VSX2: variants seen among roughly 807,000 people sequenced by gnomAD.
VSX2 encodes visual system homeobox 2.
In VSX2, 28 loss-of-function variants were observed where a neutral mutation model predicts 32.1. That is an observed-to-expected ratio of 0.87 (90% CI 0.65 to 1.20). VSX2 has a LOEUF of 1.20. Among genes scored for constraint, VSX2 ranks in the 50% most tolerant of loss-of-function variants. VSX2 has a pLI of 0.00. For synonymous variants in VSX2, 243 were observed against 214.1 expected, an observed-to-expected ratio of 1.14 and a Z score of -1.18; for missense variants, 506 against 488.7, an observed-to-expected ratio of 1.04 and a Z score of -0.33.
Position 74,239,709 on chromosome 14 carries a change from C to A in VSX2, c.148C>A (p.Arg50=). 1 of 1,549,676 alleles carries A rather than the reference C, an allele frequency of 6.5e-7. No homozygotes were observed. The highest frequency in any genetic ancestry group is 2.0e-5 in the Admixed American group (1 of 50,992). The change falls in exon 1 of 5, where the codon CGG becomes AGG. Residue 50 remains arginine, a synonymous_variant. Coordinates refer to ENST00000261980, the MANE Select transcript of VSX2 (RefSeq NM_182894.3). ...CAAGGAGCCCCCGAGCTCCCACCCG[C>A]GGGCAGCGCTCGACGGCCTGGCCCC... The part of the protein sequence containing the change: ...LNKEPPSSHP[R]AALDGLAPGH...
At chr14:74,249,427 T>A (rs56404666) in intron 3 of VSX2, among the ~76,000 whole-genome samples, 1 of 151,922 alleles carries the variant, frequency 6.6e-6, no homozygotes, top group Admixed American at 6.6e-5. Context: ...CCCACCACCA[T>A]GCCTGGCTAA....
chr14:74,239,970 G>C (rs1051835018), intron 1 of VSX2, 39 bp downstream of exon 1: 1 of 1,542,882 alleles, frequency 6.5e-7, no homozygotes, highest in Non-Finnish European at 8.7e-7. Flanking sequence ...TGACTGGGGG[G>C]CGACAGCCGG....
Position 74,242,783 on chromosome 14 carries a change from G to C in VSX2, c.455+1517G>C, listed in dbSNP as rs139445511. ...GTCAGAGACCGGCAAAACTGCCCTT[G>C]TGCTGGTGCCAGGAGGGGTGGGAGG... On this transcript the variant is annotated intron_variant, in intron 2 of 4. Transcript: ENST00000261980. Among the ~76,000 whole-genome samples, 35 of 152,204 alleles carry C rather than the reference G, an allele frequency of 2.3e-4. No individual in the cohort carries two copies. In the East Asian group the frequency reaches 6.8e-3, roughly 29 times the overall value.
intron 3 of VSX2, among the ~76,000 whole-genome samples, chr14:74,253,682 G>T (rs2079243767): frequency 6.6e-6 from 1 of 152,234 alleles, no homozygotes; most frequent in South Asian, 2.1e-4. Flanking sequence ...TGTAATCCCA[G>T]CACTTTCGGA....
intron 1 of VSX2, 129 bp from the exon 2 acceptor site, chr14:74,241,053 A>G: frequency 2.2e-6 from 2 of 915,732 alleles, no homozygotes; most frequent in African/African-American, 3.3e-5. Flanking sequence ...GGGCGCCCGC[A>G]GGCTTCCTGG....
chr14:74,252,816 G>A (rs1049634360), intron 3 of VSX2, among the ~76,000 whole-genome samples: 3 of 151,898 alleles, frequency 2.0e-5, no homozygotes, highest in African/African-American at 4.8e-5. Context: ...GGGAGGCCTC[G>A]GAGGGCGGAT....
chr14:74,251,421 G>T (rs2079228487), intron 3 of VSX2, among the ~76,000 whole-genome samples: 1 of 152,210 alleles, frequency 6.6e-6, no homozygotes, highest in Non-Finnish European at 1.5e-5. Context: ...TTGCACTCCA[G>T]CCTGGGCAAC....
At chr14:74,248,413 G>T (rs1240102563) in intron 3 of VSX2, among the ~76,000 whole-genome samples, 1 of 151,668 alleles carries the variant, frequency 6.6e-6, no homozygotes, top group Non-Finnish European at 1.5e-5. Flanking sequence ...CTGGCCAGGT[G>T]CAGGGGCTCA....
chr14:74,249,461 GT>G (rs1035354720), intron 3 of VSX2, among the ~76,000 whole-genome samples: 6 of 152,134 alleles, frequency 3.9e-5, no homozygotes, highest in African/African-American at 9.7e-5. Flanking sequence ...AGAGAGACGA[GT>G]TTTTGCCACG....
intron 2 of VSX2, among the ~76,000 whole-genome samples, chr14:74,241,774 C>A (rs1036591234): frequency 7.9e-5 from 12 of 152,214 alleles, no homozygotes; most frequent in Non-Finnish European, 1.5e-4. Context: ...ACTGACAGAG[C>A]ATTTTCTTTT....
rs1300206028 is a variant in VSX2 at position 74,259,723 on chromosome 14, A to G, written c.701A>G (p.Glu234Gly). 1 of 1,613,742 alleles carries G rather than the reference A, an allele frequency of 6.2e-7. No individual in the cohort carries two copies. The highest frequency in any genetic ancestry group is 1.7e-5 in the Admixed American group (1 of 60,018). Residue 234 changes from glutamate (E) to glycine (G), a missense_variant, in exon 4 of 5, where the codon GAG becomes GGG. Physicochemically the swap from Glu to Gly is moderately conservative, Grantham distance 98. Transcript: ENST00000261980. ...AMVRHSIPLPESILKSAKDGI... is the reference protein window; with the variant it reads ...AMVRHSIPLPGSILKSAKDGI... The stretch of plus-strand genomic sequence containing the variant: ...GTGCGGCACTCCATCCCCCTGCCCG[A>G]GTCCATCCTCAAGTCAGCCAAGGAT...
At chr14:74,256,313 C>T (rs1402278106) in intron 3 of VSX2, among the ~76,000 whole-genome samples, 1 of 152,148 alleles carries the variant, frequency 6.6e-6, no homozygotes, top group Non-Finnish European at 1.5e-5. Flanking sequence ...CACCTGTAGT[C>T]CCAGCTACGC....
chr14:74,246,192 T>A (rs1014925892), intron 3 of VSX2, among the ~76,000 whole-genome samples: 1 of 152,236 alleles, frequency 6.6e-6, no homozygotes, highest in East Asian at 1.9e-4. Flanking sequence ...GCTGCTCCCA[T>A]CGCCTGAGCG....
rs537651013 is a variant in VSX2 at position 74,255,838 on chromosome 14, C to T, written c.580-3764C>T. 3.9e-5 allele frequency among the ~76,000 whole-genome samples: 6 copies of T among 152,292 alleles called. No individual in the cohort carries two copies. The South Asian group carries it at 1.0e-3, about 26-fold the overall frequency. The stretch of plus-strand genomic sequence containing the variant: ...CAAACTGCACTGAAAACAGAACCCT[C>T]TTTTATAAATTTGGCATCAAAACTC... On this transcript the variant is annotated intron_variant, in intron 3 of 4. Transcript: ENST00000261980.
At chr14:74,240,522 C>A (rs2079142215) in intron 1 of VSX2, among the ~76,000 whole-genome samples, 2 of 152,252 alleles carry the variant, frequency 1.3e-5, no homozygotes, top group African/African-American at 2.4e-5. Flanking sequence ...CGCGCGGGCT[C>A]GGGGACCCTG....
At chr14:74,241,113 C>A in intron 1 of VSX2, 69 bp from the exon 2 acceptor site, 1 of 1,535,992 alleles carries the variant, frequency 6.5e-7, no homozygotes. Flanking sequence ...GGGGTGGGGC[C>A]CTCGCGGGTT....
Position 74,261,105 on chromosome 14 carries a change from C to A in VSX2, c.*186C>A. 1.5e-6 allele frequency: 1 copy of A among 654,086 alleles called. No individual in the cohort carries two copies. Among genetic ancestry groups the A allele is most frequent in the Non-Finnish European group, 2.6e-6 (1 of 383,856 alleles). 40.5% of individuals were successfully genotyped at this position (654,086 alleles called of 1,614,324 possible). On this transcript the variant is annotated 3_prime_UTR_variant, in exon 5 of 5. Coordinates refer to ENST00000261980, the MANE Select transcript of VSX2 (RefSeq NM_182894.3). Reference sequence around the variant, plus strand: ...GTTCTGACTCTGGACCATGCTGAGACATCCCTCATCTAGTCTTGACCTCTC... The same window carrying A: ...GTTCTGACTCTGGACCATGCTGAGAAATCCCTCATCTAGTCTTGACCTCTC...
chr14:74,241,480 G>A (rs1419110236), intron 2 of VSX2, among the ~76,000 whole-genome samples: 1 of 152,230 alleles, frequency 6.6e-6, no homozygotes, highest in Non-Finnish European at 1.5e-5. Flanking sequence ...CGGGAAAGCG[G>A]CCCGGTTCGG....
chr14:74,251,924 T>C (rs532605940), intron 3 of VSX2, among the ~76,000 whole-genome samples: 5 of 152,248 alleles, frequency 3.3e-5, no homozygotes, highest in Admixed American at 6.5e-5. Context: ...GCTCACCTGA[T>C]GGCATGTGGC....
Sources: allele counts gnomAD v4.1 joint callset (sites outside exome capture counted in the v4.1 genomes callset), GRCh38; gene constraint gnomAD v4.1.1; transcripts MANE v1.5; gene names NCBI Gene and HGNC (gene_info 2026-07-23, HGNC 2026-07-21).